The following ARL15 variants were observed in gnomAD, a reference collection of about 807,000 sequenced individuals.
ARL15 encodes ARF like GTPase 15.
In ARL15, 19 loss-of-function variants were observed where a neutral mutation model predicts 25.2. That is an observed-to-expected ratio of 0.75 (90% CI 0.53 to 1.10). The LOEUF (loss-of-function observed/expected upper bound fraction) is 1.10, where lower values mean the gene tolerates loss of function less well. ARL15 is among the 50% of genes least tolerant of loss of function. The pLI is 0.00. For missense variants in ARL15, 220 were observed against 246.0 expected (o/e 0.89, Z 0.71); for synonymous variants, 94 against 86.8 (o/e 1.08, Z -0.46).
At chr5:54,226,727 CA>C (rs1315344920) in intron 1 of ARL15, among the ~76,000 whole-genome samples, 8 of 152,272 alleles carry the variant, frequency 5.3e-5, no homozygotes, top group Non-Finnish European at 1.0e-4. Flanking sequence ...TATATGTCTT[CA>C]ACTGAAGCAA....
intron 4 of ARL15, among the ~76,000 whole-genome samples, chr5:54,038,361 A>G (rs1257727793): frequency 6.6e-6 from 1 of 152,136 alleles, no homozygotes; most frequent in Admixed American, 6.5e-5. Context: ...TTTAAAGTGC[A>G]TCTTTACCAA....
chr5:54,050,381 T>C (rs1201565019), intron 4 of ARL15, among the ~76,000 whole-genome samples: 2 of 152,244 alleles, frequency 1.3e-5, no homozygotes, highest in South Asian at 2.1e-4. Context: ...CTTCCTACTT[T>C]ACTAGACAAG....
chr5:54,054,267 A>G (rs1750790311), intron 4 of ARL15, among the ~76,000 whole-genome samples: 1 of 152,156 alleles, frequency 6.6e-6, no homozygotes, highest in Non-Finnish European at 1.5e-5. Context: ...TATACCTTTA[A>G]AGAGTTTGCT....
At chr5:54,086,734 T>TA (rs1480399742) in intron 4 of ARL15, among the ~76,000 whole-genome samples, 12 of 151,834 alleles carry the variant, frequency 7.9e-5, no homozygotes, top group South Asian at 2.1e-4. Context: ...CAGAATGGGT[T>TA]AAAAAAAACA....
At chr5:53,921,966 C>T (rs1745872364) in intron 4 of ARL15, among the ~76,000 whole-genome samples, 1 of 152,158 alleles carries the variant, frequency 6.6e-6, no homozygotes, top group Non-Finnish European at 1.5e-5. Context: ...TGCAGACATA[C>T]CAGAGCTATG....
At chr5:54,176,911 C>T (rs1229053512) in intron 1 of ARL15, among the ~76,000 whole-genome samples, 1 of 152,174 alleles carries the variant, frequency 6.6e-6, no homozygotes, top group Non-Finnish European at 1.5e-5. Flanking sequence ...ATATACAGCC[C>T]AGACTGTAGT....
chr5:53,976,316 A>T (rs1747920441), intron 4 of ARL15, among the ~76,000 whole-genome samples: 1 of 152,210 alleles, frequency 6.6e-6, no homozygotes, highest in African/African-American at 2.4e-5. Context: ...ATATTTGCAC[A>T]TGCTCCAAGA....
chr5:54,189,872 A>G (rs1755345569), intron 1 of ARL15, among the ~76,000 whole-genome samples: 1 of 152,200 alleles, frequency 6.6e-6, no homozygotes. Context: ...TCAATAGTGT[A>G]AAAAGTTAGT....
At chr5:54,051,622 C>A (rs1482194734) in intron 4 of ARL15, among the ~76,000 whole-genome samples, 2 of 152,082 alleles carry the variant, frequency 1.3e-5, no homozygotes, top group South Asian at 2.1e-4. Context: ...CAAAGAATAC[C>A]ACTACACGTT....
intron 1 of ARL15, among the ~76,000 whole-genome samples, chr5:54,267,940 T>C (rs1229223902): frequency 2.0e-5 from 3 of 151,814 alleles, no homozygotes; most frequent in African/African-American, 7.3e-5. Context: ...CTGACAATTA[T>C]GTGTCTTGGA....
At chr5:54,181,417 G>C (rs1755052077) in intron 1 of ARL15, among the ~76,000 whole-genome samples, 1 of 152,148 alleles carries the variant, frequency 6.6e-6, no homozygotes, top group South Asian at 2.1e-4. Context: ...TTCAGACCAT[G>C]TACTATTTTT....
At position 54,240,232 on chromosome 5, in the gene ARL15, T is replaced by TA. The variant is rs36061787; in HGVS notation, c.49-68305dup. 4.1e-3 allele frequency among the ~76,000 whole-genome samples: 540 copies of TA among 132,774 alleles called. 7 individuals carry two copies. Among genetic ancestry groups the TA allele is most frequent in the Admixed American group, 0.03 (396 of 13,062 alleles). The allele number at this position is 132,774 out of a possible 152,430, so 87.1% of individuals were successfully genotyped here. On this transcript the variant is annotated intron_variant, in intron 1 of 4. Transcript: ENST00000504924. Reference sequence around the variant, plus strand: ...ACAGAGCGAGACTCCATCTCAAAAATAAAAAAAAAAAAAACACATCGCCAA... The same window carrying TA: ...ACAGAGCGAGACTCCATCTCAAAAATAAAAAAAAAAAAAAACACATCGCCAA...
At chr5:54,115,991 G>C (rs1752888744) in intron 3 of ARL15, among the ~76,000 whole-genome samples, 1 of 152,144 alleles carries the variant, frequency 6.6e-6, no homozygotes, top group African/African-American at 2.4e-5. Context: ...AAAGAAGTAA[G>C]CTAGAATGGG....
intron 4 of ARL15, among the ~76,000 whole-genome samples, chr5:53,963,632 AC>A (rs1431372668): frequency 6.6e-6 from 1 of 152,046 alleles, no homozygotes; most frequent in Non-Finnish European, 1.5e-5. Flanking sequence ...ACATGGTGAA[AC>A]CCTGTCTCTA....
At chr5:54,119,357 T>C (rs1357195239) in intron 3 of ARL15, among the ~76,000 whole-genome samples, 1 of 152,096 alleles carries the variant, frequency 6.6e-6, no homozygotes, top group Middle Eastern at 3.2e-3. Flanking sequence ...CACGTTTTGA[T>C]GCAGCAAGAA....
chr5:53,955,589 G>T (rs1747120472), intron 4 of ARL15, among the ~76,000 whole-genome samples: 1 of 152,150 alleles, frequency 6.6e-6, no homozygotes, highest in Admixed American at 6.6e-5. Flanking sequence ...AAAGCTTTGA[G>T]AATTGACATT....
At chr5:54,128,761 A>G (rs1397150746) in intron 3 of ARL15, among the ~76,000 whole-genome samples, 1 of 145,126 alleles carries the variant, frequency 6.9e-6, no homozygotes, top group Non-Finnish European at 1.5e-5. Flanking sequence ...ACTGTAGTGC[A>G]ATGGCGCAAT....
chr5:54,174,169 A>G (rs749851376), intron 1 of ARL15, among the ~76,000 whole-genome samples: 4 of 152,146 alleles, frequency 2.6e-5, no homozygotes, highest in African/African-American at 4.8e-5. Context: ...CATAGAATCT[A>G]CCCTCAGCAG....
chr5:54,057,512 A>G (rs181777556), intron 4 of ARL15, among the ~76,000 whole-genome samples: 1 of 152,286 alleles, frequency 6.6e-6, no homozygotes, highest in African/African-American at 2.4e-5. Context: ...GTAGTAGCAT[A>G]CTCAAATTGC....
Sources: allele counts gnomAD v4.1 joint callset (sites outside exome capture counted in the v4.1 genomes callset), GRCh38; gene constraint gnomAD v4.1.1; transcripts MANE v1.5; gene names NCBI Gene and HGNC (gene_info 2026-07-23, HGNC 2026-07-21).